The following NELL1 variants were observed in gnomAD, a reference collection of about 807,000 sequenced individuals.
The protein encoded by NELL1 is protein kinase C-binding protein NELL1.
In NELL1, 76 loss-of-function variants were observed where a neutral mutation model predicts 107.4. The ratio of observed to expected loss-of-function variants is 0.71; its 90% CI spans 0.59 to 0.86. The LOEUF (loss-of-function observed/expected upper bound fraction) is 0.86. Ranked by LOEUF, NELL1 falls within the 40% of genes least tolerant of loss-of-function variation. The pLI, the probability that NELL1 is intolerant of heterozygous loss-of-function variation, is 0.00. For missense variants in NELL1, 1,024 were observed against 1,005.5 expected (o/e 1.02, Z -0.25); for synonymous variants, 353 against 341.2 (o/e 1.03, Z -0.38).
At chr11:21,256,887 AGT>A (rs1156861018) in intron 14 of NELL1, among the ~76,000 whole-genome samples, 1 of 152,048 alleles carries the variant, frequency 6.6e-6, no homozygotes, top group African/African-American at 2.4e-5. Flanking sequence ...CAAGACATCC[AGT>A]GTTGGGTACT....
intron 12 of NELL1, among the ~76,000 whole-genome samples, chr11:20,978,143 A>G (rs867093660): frequency 6.6e-6 from 1 of 152,328 alleles, no homozygotes; most frequent in African/African-American, 2.4e-5. Context: ...AGGCTCACAC[A>G]TACTTAAACT....
At chr11:20,898,788 G>A (rs1340462558) in intron 5 of NELL1, among the ~76,000 whole-genome samples, 7 of 151,414 alleles carry the variant, frequency 4.6e-5, no homozygotes, top group Non-Finnish European at 1.5e-5. Flanking sequence ...GAACACTTAG[G>A]GTGATTCCAT....
intron 2 of NELL1, 62 bp from the exon 3 acceptor site, chr11:20,783,618 C>A: frequency 8.2e-7 from 1 of 1,223,640 alleles, no homozygotes; most frequent in Non-Finnish European, 1.1e-6. Context: ...TATTTCTTCT[C>A]TACTCCTTCT....
At chr11:20,921,798 GT>G (rs754194719) in intron 7 of NELL1, among the ~76,000 whole-genome samples, 65 of 145,578 alleles carry the variant, frequency 4.5e-4, no homozygotes, top group African/African-American at 1.3e-3. Flanking sequence ...TATTGTGTGT[GT>G]TTTTTTTTTT....
intron 14 of NELL1, among the ~76,000 whole-genome samples, chr11:21,277,273 A>G (rs1204589918): frequency 6.6e-6 from 1 of 152,198 alleles, no homozygotes; most frequent in Non-Finnish European, 1.5e-5. Flanking sequence ...GAAGACATTT[A>G]TGCAGCCAAA....
intron 15 of NELL1, among the ~76,000 whole-genome samples, chr11:21,425,288 CA>C (rs5790185): frequency 3.3e-5 from 5 of 150,430 alleles, no homozygotes; most frequent in Admixed American, 6.6e-5. Context: ...TGTGAATAGC[CA>C]AAAAAAAATA....
chr11:20,976,875 G>A (rs1050978152), intron 12 of NELL1, among the ~76,000 whole-genome samples: 3 of 151,930 alleles, frequency 2.0e-5, no homozygotes, highest in Non-Finnish European at 4.4e-5. Flanking sequence ...AGTGAGTTAT[G>A]AAAGTTTGTT....
chr11:20,996,295 A>G (rs545704651), intron 12 of NELL1, among the ~76,000 whole-genome samples: 41 of 152,302 alleles, frequency 2.7e-4, no homozygotes, highest in Non-Finnish European at 4.1e-4. Context: ...TAGTACTTGC[A>G]TGTTCTGTCA....
At chr11:20,726,377 A>G (rs1237114503) in intron 2 of NELL1, among the ~76,000 whole-genome samples, 2 of 152,252 alleles carry the variant, frequency 1.3e-5, no homozygotes, top group Non-Finnish European at 2.9e-5. Flanking sequence ...TGCAAAGTGA[A>G]TACAACTGTA....
At chr11:21,148,690 T>C (rs1410805332) in intron 13 of NELL1, among the ~76,000 whole-genome samples, 5 of 152,152 alleles carry the variant, frequency 3.3e-5, no homozygotes, top group Non-Finnish European at 7.4e-5. Context: ...GATTCATCTG[T>C]AAGGAGCCAG....
chr11:21,206,687 A>G (rs1411037938), intron 13 of NELL1, among the ~76,000 whole-genome samples: 2 of 152,112 alleles, frequency 1.3e-5, no homozygotes, highest in Non-Finnish European at 2.9e-5. Context: ...AGGGGGAGGA[A>G]AAGAGATTTT....
chr11:20,685,460 C>A (rs1414261141), intron 2 of NELL1, among the ~76,000 whole-genome samples: 1 of 152,040 alleles, frequency 6.6e-6, no homozygotes, highest in African/African-American at 2.4e-5. Flanking sequence ...TTTACTGTTT[C>A]ACCACAGCTC....
chr11:21,492,016 A>G (rs1854832942), intron 15 of NELL1, among the ~76,000 whole-genome samples: 2 of 152,196 alleles, frequency 1.3e-5, no homozygotes, highest in Non-Finnish European at 2.9e-5. Context: ...GCTAATATCC[A>G]GAATCTACAA....
intron 12 of NELL1, among the ~76,000 whole-genome samples, chr11:21,053,386 T>G (rs1590589168): frequency 6.6e-6 from 1 of 152,122 alleles, no homozygotes; most frequent in East Asian, 1.9e-4. Flanking sequence ...TTTTCTGTTC[T>G]TGTGTTAGTT....
intron 4 of NELL1, among the ~76,000 whole-genome samples, chr11:20,866,157 A>C (rs910017498): frequency 6.6e-6 from 1 of 152,182 alleles, no homozygotes; most frequent in Non-Finnish European, 1.5e-5. Context: ...ATGCGCAAGG[A>C]GCTTGAAGTG....
At chr11:20,930,465 T>C (rs1196679881) in intron 9 of NELL1, among the ~76,000 whole-genome samples, 1 of 152,244 alleles carries the variant, frequency 6.6e-6, no homozygotes, top group Non-Finnish European at 1.5e-5. Flanking sequence ...ATAACTTTTT[T>C]TTAACCAGTC....
chr11:21,097,556 G>T (rs1854677814), intron 12 of NELL1, among the ~76,000 whole-genome samples: 1 of 152,116 alleles, frequency 6.6e-6, no homozygotes, highest in Non-Finnish European at 1.5e-5. Flanking sequence ...AGGTACAGAG[G>T]TGGAGTGTGT....
intron 14 of NELL1, among the ~76,000 whole-genome samples, chr11:21,309,306 A>ATGTG (rs1849695941): frequency 7.4e-6 from 1 of 135,882 alleles, no homozygotes; most frequent in African/African-American, 2.8e-5. Flanking sequence ...ATATGTATAT[A>ATGTG]TATATAATAT....
At position 21,176,765 on chromosome 11, in the gene NELL1, G is replaced by A. The variant is rs1259200474; in HGVS notation, c.1427-52567G>A. On this transcript the variant is annotated intron_variant, in intron 13 of 19. Transcript: ENST00000357134. ...TATGTTGTCATCAATCAAAGTTTAG[G>A]TGGTGACAGAAATGTGAATTTCTGA... 2.6e-5 allele frequency among the ~76,000 whole-genome samples: 4 copies of A among 151,652 alleles called. 1 individual carries two copies. Among genetic ancestry groups the A allele is most frequent in the African/African-American group, 4.9e-5 (2 of 40,982 alleles).
Sources: gnomAD v4.1 joint callset for allele counts (sites outside exome capture counted in the v4.1 genomes callset) on GRCh38, gnomAD v4.1.1 for gene constraint, MANE v1.5 for transcripts, NCBI Gene and HGNC (gene_info 2026-07-23, HGNC 2026-07-21) for gene names.